EYA1: variants seen among roughly 807,000 people sequenced by gnomAD.
EYA1 encodes the protein EYA transcriptional coactivator and phosphatase 1, also known as protein phosphatase EYA1.
EYA1 carries 16 observed loss-of-function variants against 82.0 expected under a neutral mutation model. The observed-to-expected ratio is 0.20, with a 90% CI of 0.13 to 0.30. The LOEUF (loss-of-function observed/expected upper bound fraction) is 0.30, where lower values mean the gene tolerates loss of function less well. Ranked by LOEUF, EYA1 falls within the 10% of genes least tolerant of loss-of-function variation. The pLI, the probability that EYA1 is intolerant of heterozygous loss-of-function variation, is 1.00. For synonymous variants in EYA1, 261 were observed against 264.4 expected (o/e 0.99, Z 0.12); for missense variants, 633 against 730.7 (o/e 0.87, Z 1.54).
intron 11 of EYA1, 123 bp downstream of exon 11, chr8:71,269,617 T>C: frequency 3.0e-6 from 2 of 668,726 alleles, no homozygotes; most frequent in South Asian, 2.0e-5. Flanking sequence ...TATTTGACTA[T>C]ATAGTTCTTC....
chr8:71,244,356 A>T (rs773197065), intron 12 of EYA1, among the ~76,000 whole-genome samples: 1 of 152,216 alleles, frequency 6.6e-6, no homozygotes, highest in Non-Finnish European at 1.5e-5. Flanking sequence ...ATAATCAACA[A>T]AGTTTAAGAT....
chr8:71,529,400 T>C, intron 2 of EYA1: 1 of 152,350 alleles, frequency 6.6e-6, no homozygotes, highest in Non-Finnish European at 1.5e-5. Context: ...CCTTAAGTAT[T>C]GGAAAATAAT....
chr8:71,199,463 C>T (rs377448924), intron 17 of EYA1, 43 bp from the exon 18 acceptor site: 13 of 1,466,208 alleles, frequency 8.9e-6, no homozygotes, highest in South Asian at 5.8e-5. Context: ...GAGCACCCAG[C>T]GCCAGCCCTG....
At chr8:71,536,150 G>T (rs1390835258) in intron 1 of EYA1, among the ~76,000 whole-genome samples, 2 of 152,246 alleles carry the variant, frequency 1.3e-5, no homozygotes, top group East Asian at 1.9e-4. Flanking sequence ...CATTATTTTT[G>T]AGCCAGCAGT....
intron 4 of EYA1, among the ~76,000 whole-genome samples, chr8:71,329,276 C>A (rs937502513): frequency 1.6e-4 from 25 of 152,196 alleles, no homozygotes; most frequent in African/African-American, 5.5e-4. Flanking sequence ...CTTCTTTCTA[C>A]CCGTCTTGAA....
chr8:71,331,245 TACAC>T (rs147776263), intron 4 of EYA1, among the ~76,000 whole-genome samples: 8,518 of 136,422 alleles, frequency 0.062, 370 homozygotes, highest in African/African-American at 0.11. Flanking sequence ...AATAAATAAA[TACAC>T]ACACACACAC....
chr8:71,360,907 A>G (rs1224378170), intron 1 of EYA1, among the ~76,000 whole-genome samples: 1 of 152,172 alleles, frequency 6.6e-6, no homozygotes, highest in Admixed American at 6.5e-5. Context: ...CCCAATAAAT[A>G]TAAACCCATG....
intron 4 of EYA1, among the ~76,000 whole-genome samples, chr8:71,331,622 C>T (rs1823881765): frequency 6.6e-6 from 1 of 151,826 alleles, no homozygotes; most frequent in East Asian, 1.9e-4. Flanking sequence ...ATACACAGGC[C>T]CATATATGTA....
intron 1 of EYA1, among the ~76,000 whole-genome samples, chr8:71,541,738 C>A (rs1456083649): frequency 6.6e-6 from 1 of 152,086 alleles, no homozygotes; most frequent in Non-Finnish European, 1.5e-5. Context: ...TTCAGGCAAT[C>A]AAAAGAAAAT....
chr8:71,394,981 G>C (rs1231727572), intron 2 of EYA1, among the ~76,000 whole-genome samples: 1 of 152,122 alleles, frequency 6.6e-6, no homozygotes, highest in East Asian at 1.9e-4. Context: ...GCAGTGGTTT[G>C]TAGTTCTCCT....
At chr8:71,310,494 A>G (rs374473962) in intron 7 of EYA1, among the ~76,000 whole-genome samples, 52 of 152,092 alleles carry the variant, frequency 3.4e-4, no homozygotes, top group African/African-American at 1.2e-3. Context: ...GCTCCCACTT[A>G]TAGGTGAGAA....
intron 2 of EYA1, among the ~76,000 whole-genome samples, chr8:71,374,681 C>T (rs561953044): frequency 3.3e-5 from 5 of 152,230 alleles, no homozygotes; most frequent in African/African-American, 1.2e-4. Context: ...ATGAAATTAC[C>T]ACCTTGTAGA....
chr8:71,489,695 T>A (rs1363479234), intron 2 of EYA1, among the ~76,000 whole-genome samples: 1 of 152,252 alleles, frequency 6.6e-6, no homozygotes, highest in Non-Finnish European at 1.5e-5. Context: ...CATGAACACA[T>A]TTTTAATCCA....
rs544502118 is a variant in EYA1, at chr8:71,502,945, A to T, written c.33+32799T>A. On this transcript the variant is annotated intron_variant, in intron 2 of 18. Coordinates refer to the EYA1 transcript ENST00000643681. ...TGAGTTCCACTCTGCCCCACCAAAC[A>T]TGCACACACAATTGTAGCAAGGTCT... Among the ~76,000 whole-genome samples the T allele has an allele frequency of 1.1e-4, 17 of 152,272 alleles. No homozygotes were observed. In the South Asian group the frequency reaches 3.3e-3, roughly 30 times the overall value.
chr8:71,455,213 T>C (rs775624157), intron 2 of EYA1, among the ~76,000 whole-genome samples: 4 of 152,134 alleles, frequency 2.6e-5, no homozygotes, highest in East Asian at 1.9e-4. Flanking sequence ...CAGGAAGAAG[T>C]TGAATCGCTG....
At chr8:71,321,626 C>A in intron 6 of EYA1, 108 bp downstream of exon 6, 1 of 1,372,114 alleles carries the variant, frequency 7.3e-7, no homozygotes, top group South Asian at 1.4e-5. Context: ...CAGAAGGTGA[C>A]AACACGTTCT....
Position 71,543,125 on chromosome 8 carries a change from C to T in EYA1, c.-73+4739G>A, listed in dbSNP as rs1030112698. Among the ~76,000 whole-genome samples, 5 of 152,216 alleles carry T rather than the reference C, an allele frequency of 3.3e-5. No homozygotes were observed. The South Asian group carries it at 6.2e-4, about 19-fold the overall frequency. ...TGAAATCTTTGCCCCTTCATATGTC[C>T]AGAATGGTGTTGCCTAGGTTGTCTT... On this transcript the variant is annotated intron_variant, in intron 1 of 18. Transcript: ENST00000643681.
intron 1 of EYA1, among the ~76,000 whole-genome samples, chr8:71,539,213 T>C (rs1433015531): frequency 8.5e-6 from 1 of 117,820 alleles, no homozygotes. Context: ...ACTCCTTAAG[T>C]AGAAAAAAAG....
intron 2 of EYA1, among the ~76,000 whole-genome samples, chr8:71,394,430 A>G (rs1394363720): frequency 2.6e-5 from 4 of 152,210 alleles, no homozygotes; most frequent in Non-Finnish European, 5.9e-5. Context: ...TTTAGGTCTA[A>G]CATTTAAGTC....
Sources: allele counts gnomAD v4.1 joint callset (sites outside exome capture counted in the v4.1 genomes callset), GRCh38; gene constraint gnomAD v4.1.1; transcripts MANE v1.5; gene names NCBI Gene and HGNC (gene_info 2026-07-23, HGNC 2026-07-21).